The following POLK variants were observed in gnomAD, a reference collection of about 807,000 sequenced individuals.
The protein encoded by POLK is polymerase (DNA directed) kappa.
In POLK, 76 loss-of-function variants were observed where a neutral mutation model predicts 94.0. The ratio of observed to expected loss-of-function variants is 0.81; its 90% CI spans 0.67 to 0.98. The LOEUF (loss-of-function observed/expected upper bound fraction) is 0.98, where lower values mean the gene tolerates loss of function less well. Among genes scored for constraint, POLK ranks in the 50% least tolerant of loss-of-function variants. The pLI, the probability that POLK is intolerant of heterozygous loss-of-function variation, is 0.00. For synonymous variants in POLK, 349 were observed against 325.4 expected, an observed-to-expected ratio of 1.07 and a Z score of -0.78; for missense variants, 954 against 1,010.1, an observed-to-expected ratio of 0.94 and a Z score of 0.75.
chr5:75,559,431 TG>T (rs1291352426), intron 3 of POLK, among the ~76,000 whole-genome samples: 1 of 152,024 alleles, frequency 6.6e-6, no homozygotes, highest in Non-Finnish European at 1.5e-5. Context: ...CAGATGTTTA[TG>T]TTACATTGCA....
chr5:75,572,201 TCAC>T (rs1452616125), intron 4 of POLK, among the ~76,000 whole-genome samples: 7 of 152,358 alleles, frequency 4.6e-5, no homozygotes, highest in Non-Finnish European at 2.9e-5. Context: ...TCAGATATCA[TCAC>T]CAACAGGATT....
At chr5:75,531,760 C>G in intron 1 of POLK, among the ~76,000 whole-genome samples, 1 of 151,866 alleles carries the variant, frequency 6.6e-6, no homozygotes, top group Non-Finnish European at 1.5e-5. Flanking sequence ...TCACTACACT[C>G]CAGCCTGGGT....
At chr5:75,603,375 C>T (rs1459839142), downstream of POLK, among the ~76,000 whole-genome samples, 2 of 150,894 alleles carry the variant, frequency 1.3e-5, no homozygotes, top group African/African-American at 4.9e-5. Context: ...CCATCTTATG[C>T]ATTTTTTACA....
chr5:75,596,561 C>A (rs992271942), exon 13 of POLK: 3 of 1,613,542 alleles, frequency 1.9e-6, no homozygotes, highest in African/African-American at 2.7e-5. Context: ...CAGATACTTA[C>A]CTGTCCTGTT....
intron 3 of POLK, among the ~76,000 whole-genome samples, chr5:75,558,254 G>T: frequency 6.7e-6 from 1 of 149,604 alleles, no homozygotes. Context: ...TTTTGGTCTG[G>T]GTATTGTACT....
chr5:75,511,718 G>A (rs956731626), upstream of POLK: 68 of 1,545,786 alleles, frequency 4.4e-5, no homozygotes, highest in African/African-American at 7.6e-4. Flanking sequence ...GGCGTCTGAC[G>A]CGACACGCCG....
chr5:75,526,389 C>A lies in POLK; in HGVS notation c.-14+14475C>A, dbSNP rs11951439. 3.9e-3 allele frequency among the ~76,000 whole-genome samples: 592 copies of A among 151,982 alleles called. 1 individual carries two copies. Among genetic ancestry groups the A allele is most frequent in the African/African-American group, 0.012 (498 of 41,500 alleles). On this transcript the variant is annotated intron_variant, in intron 1 of 14. Coordinates refer to ENST00000241436, the Ensembl canonical transcript of POLK. ...TTTTTCTCTCTTAGAAAATAAAAAA[C>A]CTCAGCACCTAATTAATAAGATTTT...
downstream of POLK, among the ~76,000 whole-genome samples, chr5:75,603,247 C>T (rs1046722862): frequency 2.6e-5 from 4 of 152,158 alleles, no homozygotes; most frequent in African/African-American, 9.7e-5. Flanking sequence ...TCTGTCTACT[C>T]TTGTAGGGCC....
rs528785890 is a variant in POLK at position 75,581,538 on chromosome 5, A to G, written c.934+90A>G. The G allele has an allele frequency of 2.5e-5, 27 of 1,084,432 alleles. No individual in the cohort carries two copies. In the African/African-American group the frequency reaches 2.9e-4, roughly 12 times the overall value. The allele number at this position is 1,084,432 out of a possible 1,614,324, so 67.2% of individuals were successfully genotyped here. A position where few individuals can be genotyped will look rare whatever the true frequency, so the allele number is the denominator to read the frequency against. On this transcript the variant is annotated intron_variant, in intron 7 of 14. Coordinates refer to ENST00000241436, the Ensembl canonical transcript of POLK. ...TATTAGTAGTTTCTCATTATAAAGT[A>G]TATAGTAACATTTTACTTACTTAGT...
chr5:75,545,736 A>C (rs1431341850), intron 1 of POLK, among the ~76,000 whole-genome samples: 1 of 152,162 alleles, frequency 6.6e-6, no homozygotes, highest in Non-Finnish European at 1.5e-5. Context: ...ATTTGAACTT[A>C]ACGTGTATAG....
intron 2 of POLK, among the ~76,000 whole-genome samples, chr5:75,548,722 G>C (rs905341749): frequency 2.6e-5 from 4 of 151,960 alleles, no homozygotes; most frequent in Non-Finnish European, 4.4e-5. Flanking sequence ...GAAAGTGTGT[G>C]TGTGTGTATG....
chr5:75,597,295 G>A (rs893887342), intron 13 of POLK, 117 bp downstream of exon 13: 11 of 639,552 alleles, frequency 1.7e-5, no homozygotes, highest in South Asian at 6.1e-5. Flanking sequence ...TGTGTATGCC[G>A]CCATTTAGGG....
chr5:75,569,455 A>C (rs1215074942), exon 4 of POLK: 2 of 1,613,680 alleles, frequency 1.2e-6, no homozygotes, highest in Non-Finnish European at 8.5e-7. Context: ...CCAGAATTGA[A>C]GGATAAACCC....
intron 7 of POLK, chr5:75,581,679 T>C: frequency 6.4e-6 from 1 of 155,152 alleles, no homozygotes; most frequent in Non-Finnish European, 1.4e-5. Context: ...CGTTTCTTTC[T>C]TTTTTTTTTT....
rs923547377 is a variant in POLK, at chr5:75,597,346, C to A, written c.2485+168C>A. The stretch of plus-strand genomic sequence containing the variant: ...TGCCATAGGTTAGAATTAACTCAAG[C>A]CTGTAGATTGTGAATTTGGGGAAAA... On this transcript the variant is annotated intron_variant, in intron 13 of 14. Coordinates refer to ENST00000241436, the Ensembl canonical transcript of POLK. The A allele has an allele frequency of 1.8e-5, 10 of 549,866 alleles. No homozygotes were observed. In the Admixed American group the frequency reaches 1.9e-4, roughly 11 times the overall value. The allele number at this position is 549,866 out of a possible 1,614,324, so 34.1% of individuals were successfully genotyped here.
intron 3 of POLK, among the ~76,000 whole-genome samples, chr5:75,556,619 T>G (rs1433283884): frequency 6.6e-6 from 1 of 152,196 alleles, no homozygotes. Context: ...TCTCTTATGT[T>G]ATCTTCTAGG....
rs762897779 is a variant in POLK, at chr5:75,539,254, C to CTT, written c.-13-7745_-13-7744dup. 2.3e-3 allele frequency among the ~76,000 whole-genome samples: 330 copies of CTT among 141,700 alleles called. 1 individual carries two copies. In the East Asian group the frequency reaches 0.029, roughly 12 times the overall value. 93.0% of individuals were successfully genotyped at this position (141,700 alleles called of 152,430 possible). A position where few individuals can be genotyped will look rare whatever the true frequency, so the allele number is the denominator to read the frequency against. ...ACTCCAAGACCACAACTTCTTGCTG[C>CTT]TTTTTTTTTTTTATCATGTTTTGGC... On this transcript the variant is annotated intron_variant, in intron 1 of 14. Coordinates refer to ENST00000241436, the Ensembl canonical transcript of POLK.
chr5:75,607,211 A>T, the POLK span, among the ~76,000 whole-genome samples: 1 of 152,138 alleles, frequency 6.6e-6, no homozygotes, highest in African/African-American at 2.4e-5. Context: ...TCACGCCTGT[A>T]ATCTCAGCAC....
At chr5:75,550,563 A>G (rs1216649087) in intron 2 of POLK, among the ~76,000 whole-genome samples, 1 of 152,058 alleles carries the variant, frequency 6.6e-6, no homozygotes, top group Non-Finnish European at 1.5e-5. Flanking sequence ...TGGGCAACAG[A>G]GCAAGACTCC....
Sources: gnomAD v4.1 joint callset for allele counts (sites outside exome capture counted in the v4.1 genomes callset) on GRCh38, gnomAD v4.1.1 for gene constraint, MANE v1.5 for transcripts, NCBI Gene and HGNC (gene_info 2026-07-23, HGNC 2026-07-21) for gene names.